Variants in ROR1 observed in about 807,000 individuals in gnomAD.
The protein encoded by ROR1 is inactive tyrosine-protein kinase transmembrane receptor ROR1.
ROR1 carries 19 observed loss-of-function variants against 78.8 expected under a neutral mutation model. The ratio of observed to expected loss-of-function variants is 0.24; its 90% CI spans 0.17 to 0.35. The LOEUF (loss-of-function observed/expected upper bound fraction) is 0.35, where lower values mean the gene tolerates loss of function less well. Among genes scored for constraint, ROR1 ranks in the 10% least tolerant of loss-of-function variants. The pLI is 1.00. For missense variants in ROR1, 917 were observed against 1,177.8 expected, an observed-to-expected ratio of 0.78 and a Z score of 3.24; for synonymous variants, 386 against 433.6, an observed-to-expected ratio of 0.89 and a Z score of 1.36.
intron 1 of ROR1, among the ~76,000 whole-genome samples, chr1:63,974,428 A>G (rs1201142192): frequency 6.6e-6 from 1 of 152,186 alleles, no homozygotes; most frequent in African/African-American, 2.4e-5. Flanking sequence ...CTGAAGTATT[A>G]ATTCAATATG....
intron 1 of ROR1, among the ~76,000 whole-genome samples, chr1:63,878,029 T>C (rs1458093838): frequency 6.6e-6 from 1 of 152,190 alleles, no homozygotes; most frequent in Non-Finnish European, 1.5e-5. Context: ...TAGAGTGCTT[T>C]CCTTCAAGGA....
intron 4 of ROR1, among the ~76,000 whole-genome samples, chr1:64,081,783 A>AAAAAAAAAAGG (rs1647104289): frequency 6.7e-6 from 1 of 148,828 alleles, no homozygotes; most frequent in Non-Finnish European, 1.5e-5. Flanking sequence ...AAAAAAAAAA[A>AAAAAAAAAAGG]GCGGCAAAAT....
chr1:64,107,431 G>C (rs566839772), intron 4 of ROR1, among the ~76,000 whole-genome samples: 219 of 152,278 alleles, frequency 1.4e-3, no homozygotes, highest in Middle Eastern at 6.8e-3. Context: ...AGCTTTATGT[G>C]CTTCAGAGAG....
At chr1:64,021,864 G>A (rs186429274) in intron 2 of ROR1, among the ~76,000 whole-genome samples, 51 of 152,102 alleles carry the variant, frequency 3.4e-4, no homozygotes, top group African/African-American at 1.1e-3. Context: ...TAAAAAATAA[G>A]TAGAAGACAT....
At chr1:63,826,012 A>C (rs1363131759) in intron 1 of ROR1, among the ~76,000 whole-genome samples, 1 of 152,198 alleles carries the variant, frequency 6.6e-6, no homozygotes, top group Admixed American at 6.5e-5. Context: ...AGAGGATTAG[A>C]AATAGAAAAC....
intron 1 of ROR1, among the ~76,000 whole-genome samples, chr1:63,872,067 A>G (rs1057303787): frequency 9.9e-5 from 15 of 152,240 alleles, no homozygotes; most frequent in African/African-American, 3.6e-4. Flanking sequence ...TCTATTAAAT[A>G]AACTTGGTGG....
At position 64,049,795 on chromosome 1, in the gene ROR1, C is replaced by G. The variant is rs749661972; in HGVS notation, c.268C>G (p.Arg90Gly). The part of the protein sequence containing the change: ...KVSGNPPPTI[R>G]WFKNDAPVVQ... ...CTCTGGGAATCCACCTCCCACCATCCGCTGGTTCAAAAATGATGCTCCTGT... is the reference window on the plus strand; with the variant it reads ...CTCTGGGAATCCACCTCCCACCATCGGCTGGTTCAAAAATGATGCTCCTGT... The change falls in exon 3 of 9, where the codon CGC (arginine) becomes GGC (glycine). Residue 90 changes from arginine (R) to glycine (G), a missense_variant. By Grantham distance (125) the Arg-to-Gly change is moderately radical. Around this residue, in one of 3 missense-constraint regions of ROR1, gnomAD observed 835 missense variants for 1,069.8 expected, o/e 0.78. Coordinates refer to ENST00000371079, the MANE Select transcript of ROR1 (RefSeq NM_005012.4). 1 of 1,614,092 alleles carries G rather than the reference C, an allele frequency of 6.2e-7. No homozygotes were observed. The highest frequency in any genetic ancestry group is 1.7e-5 in the Admixed American group (1 of 60,006).
chr1:64,125,892 T>A (rs1200993055), intron 4 of ROR1, among the ~76,000 whole-genome samples: 1 of 152,160 alleles, frequency 6.6e-6, no homozygotes, highest in Non-Finnish European at 1.5e-5. Context: ...TGTACTAGAC[T>A]CTGCTGGGAG....
chr1:63,895,715 G>C (rs1446686084), intron 1 of ROR1, among the ~76,000 whole-genome samples: 1 of 152,138 alleles, frequency 6.6e-6, no homozygotes, highest in Non-Finnish European at 1.5e-5. Context: ...TCTCAGAGTT[G>C]AGATCATTAA....
At chr1:63,895,795 C>A (rs1325454750) in intron 1 of ROR1, among the ~76,000 whole-genome samples, 1 of 152,080 alleles carries the variant, frequency 6.6e-6, no homozygotes, top group Admixed American at 6.6e-5. Flanking sequence ...ACAATTTTTT[C>A]TTTTCGTCTT....
chr1:63,954,010 G>C (rs1055802191), intron 1 of ROR1, among the ~76,000 whole-genome samples: 4 of 152,158 alleles, frequency 2.6e-5, no homozygotes, highest in Non-Finnish European at 5.9e-5. Flanking sequence ...ACAGTGGTTT[G>C]CAGGAGTGAG....
At chr1:64,086,748 T>G (rs1425533480) in intron 4 of ROR1, among the ~76,000 whole-genome samples, 14 of 152,162 alleles carry the variant, frequency 9.2e-5, no homozygotes, top group Admixed American at 5.9e-4. Context: ...CTGTAGAACA[T>G]CTTTATTACT....
rs1352078427 is a variant in ROR1, at chr1:63,873,467, AGG to A, written c.91+98960_91+98961del. Among the ~76,000 whole-genome samples, 4 of 152,292 alleles carry A rather than the reference AGG, an allele frequency of 2.6e-5. No homozygotes were observed. In the East Asian group the frequency reaches 7.7e-4, roughly 29 times the overall value. ...GAAGCAACACCCAGAAGGAGTGAGCAGGCCTAGGCTGGAGTCTTATCCTGACA... is the reference window on the plus strand; with the variant it reads ...GAAGCAACACCCAGAAGGAGTGAGCACCTAGGCTGGAGTCTTATCCTGACA... On this transcript the variant is annotated intron_variant, in intron 1 of 8. Transcript: ENST00000371079.
intron 4 of ROR1, among the ~76,000 whole-genome samples, chr1:64,074,978 T>G (rs1365636457): frequency 1.3e-5 from 2 of 152,192 alleles, no homozygotes; most frequent in Non-Finnish European, 2.9e-5. Context: ...TAATATCTGT[T>G]GAGTGCTTAT....
chr1:63,983,058 G>A (rs1321033392), intron 1 of ROR1, among the ~76,000 whole-genome samples: 2 of 152,108 alleles, frequency 1.3e-5, no homozygotes, highest in East Asian at 3.9e-4. Context: ...CAAAATATTT[G>A]CAAACAACAT....
chr1:63,917,418 T>C (rs149476949), intron 1 of ROR1, among the ~76,000 whole-genome samples: 77 of 152,296 alleles, frequency 5.1e-4, no homozygotes, highest in Non-Finnish European at 7.9e-4. Flanking sequence ...TTTTGGCATA[T>C]ACTTTAAAAT....
chr1:64,137,465 C>T lies in ROR1; in HGVS notation c.579C>T (p.His193=), dbSNP rs764673539. 1 of 1,613,728 alleles carries T rather than the reference C, an allele frequency of 6.2e-7. No homozygotes were observed. The highest frequency in any genetic ancestry group is 8.5e-7 in the Non-Finnish European group (1 of 1,179,762). ...GNRTVYMESL[H]MQGEIENQIT... ...GCACCGTCTATATGGAGTCTTTGCA[C>T]ATGCAAGGGGAAATAGAAAATCAGA... Residue 193 remains histidine, a synonymous_variant, in exon 5 of 9, where the codon CAC becomes CAT. Coordinates refer to ENST00000371079, the MANE Select transcript of ROR1 (RefSeq NM_005012.4).
chr1:63,975,858 A>AT (rs969241889), intron 1 of ROR1, among the ~76,000 whole-genome samples: 1 of 152,162 alleles, frequency 6.6e-6, no homozygotes, highest in African/African-American at 2.4e-5. Context: ...AGCACCCTGC[A>AT]TTTTCCAAAA....
intron 1 of ROR1, among the ~76,000 whole-genome samples, chr1:63,923,216 T>TC (rs1279607788): frequency 3.9e-5 from 6 of 152,120 alleles, no homozygotes; most frequent in East Asian, 3.9e-4. Flanking sequence ...AGTGCTGGGT[T>TC]CCCCCCCAAA....
Sources: gnomAD v4.1 joint callset for allele counts (sites outside exome capture counted in the v4.1 genomes callset) on GRCh38, gnomAD v4.1.1 for gene constraint, gnomAD v4.1.1 regional missense constraint, MANE v1.5 for transcripts, NCBI Gene and HGNC (gene_info 2026-07-23, HGNC 2026-07-21) for gene names.